Variants in ZNF45 observed in about 807,000 individuals in gnomAD.
ZNF45 encodes the protein BRC1744.
A neutral mutation model predicts 12.0 loss-of-function variants in ZNF45; 4 were observed. The ratio of observed to expected loss-of-function variants is 0.33; its 90% confidence interval spans 0.16 to 0.76. ZNF45 has a LOEUF of 0.76. Among genes scored for constraint, ZNF45 ranks in the 30% least tolerant of loss-of-function variants. ZNF45 has a pLI of 0.60. For missense variants in ZNF45, 700 were observed against 813.0 expected (o/e 0.86, Z 1.69); for synonymous variants, 272 against 279.6 (o/e 0.97, Z 0.27).
intron 7 of ZNF45, among the ~76,000 whole-genome samples, chr19:43,920,366 A>T (rs1175900729): frequency 6.6e-6 from 1 of 151,230 alleles, no homozygotes; most frequent in Admixed American, 6.6e-5. Flanking sequence ...TGTGTTCAGG[A>T]GTGTTTCTTA....
chr19:43,919,464 G>T, intron 8 of ZNF45, 109 bp downstream of exon 8: 1 of 1,330,312 alleles, frequency 7.5e-7, no homozygotes, highest in South Asian at 1.5e-5. Context: ...TCTTATGATG[G>T]ATGATTAGAA....
chr19:43,913,389 A>T lies in ZNF45; in HGVS notation c.2047T>A (p.Ter683LysextTer56). 6.5e-7 allele frequency: 1 copy of T among 1,530,966 alleles called. No individual in the cohort carries two copies. The highest frequency in any genetic ancestry group is 8.8e-7 in the Non-Finnish European group (1 of 1,141,380). 94.8% of individuals were successfully genotyped at this position (1,530,966 alleles called of 1,614,324 possible). A position where few individuals can be genotyped will look rare whatever the true frequency, so the allele number is the denominator to read the frequency against. The change falls in exon 10 of 10, where the codon TAA becomes AAA. Residue 683 changes from the stop codon to lysine, a stop_lost. Coordinates refer to ENST00000269973, the MANE Select transcript of ZNF45 (RefSeq NM_003425.4). ...CATCTGAGATAGTAAAACATATTTTATCGAGTTTTCCTGTGTGAATCCTCT... is the reference window on the plus strand; with the variant it reads ...CATCTGAGATAGTAAAACATATTTTTTCGAGTTTTCCTGTGTGAATCCTCT... Reference protein sequence around the residue: ...SSEDSHRKTR* With the variant: ...SSEDSHRKTRK
Position 43,935,268 on chromosome 19 carries a change from GC to G in ZNF45, c.-1101del, listed in dbSNP as rs1974418500. ...ATGAAGGCCGCGCTCTCAACCTCTT[GC>G]CGCGGAAGTGCCCGGGAGAGCAGGG... On this transcript the variant is annotated 5_prime_UTR_variant, in exon 1 of 10. Coordinates refer to ENST00000269973, the MANE Select transcript of ZNF45 (RefSeq NM_003425.4). The G allele has an allele frequency of 6.6e-6, 1 of 152,280 alleles. No individual in the cohort carries two copies. The allele number at this position is 152,280 out of a possible 1,614,324, so 9.4% of individuals were successfully genotyped here. A position where few individuals can be genotyped will look rare whatever the true frequency, so the allele number is the denominator to read the frequency against.
At position 43,915,141 on chromosome 19, in the gene ZNF45, G is replaced by T; in HGVS notation, c.295C>A (p.His99Asn). Residue 99 changes from histidine (H) to asparagine (N), a missense_variant, in exon 10 of 10, where the codon CAT (histidine) becomes AAT (asparagine). Transcript: ENST00000269973. ...LQEVGLRYLP[H>N]EELFCSQIWQ... ...ATCTGGGAGCAGAAAAGCTCTTCAT[G>T]AGGCAGGTACCTTAATCCTACTTCT... The T allele has an allele frequency of 6.3e-7, 1 of 1,578,136 alleles. No individual in the cohort carries two copies. Among genetic ancestry groups the T allele is most frequent in the East Asian group, 2.2e-5 (1 of 44,530 alleles).
chr19:43,933,222 A>G (rs1005854528), intron 2 of ZNF45, among the ~76,000 whole-genome samples: 8 of 152,114 alleles, frequency 5.3e-5, no homozygotes, highest in African/African-American at 1.9e-4. Flanking sequence ...TGGAATCCCA[A>G]TACTTTGGGA....
intron 4 of ZNF45, among the ~76,000 whole-genome samples, chr19:43,924,851 C>T (rs1353123927): frequency 1.3e-5 from 2 of 152,108 alleles, no homozygotes; most frequent in East Asian, 3.9e-4. Flanking sequence ...GTGAAAGTGA[C>T]TAAGTATACA....
intron 9 of ZNF45, 69 bp from the exon 10 acceptor site, chr19:43,915,269 T>C: frequency 7.0e-7 from 1 of 1,420,056 alleles, no homozygotes; most frequent in Non-Finnish European, 9.2e-7. Context: ...GTCAAGTTTA[T>C]AAACTCGGGC....
chr19:43,913,736 C>T lies in ZNF45; in HGVS notation c.1700G>A (p.Arg567Gln), dbSNP rs759845090. Residue 567 changes from arginine to glutamine, a missense_variant, in exon 10 of 10, where the codon CGG becomes CAG. Arg to Gln is a conservative substitution (Grantham distance 43). Coordinates refer to ENST00000269973, the MANE Select transcript of ZNF45 (RefSeq NM_003425.4). ...QCEECGKGFCRASNFLAHRGV... is the reference protein window; with the variant it reads ...QCEECGKGFCQASNFLAHRGV... ...ACGATGTGCCAGAAAATTGGAGGCC[C>T]GACAGAAGCCCTTCCCACACTCCTC... 132 of 1,613,850 alleles carry T rather than the reference C, an allele frequency of 8.2e-5. 2 individuals are homozygous for T. The East Asian group carries it at 1.4e-3, about 17-fold the overall frequency.
At chr19:43,919,547 T>C (rs747142884) in intron 8 of ZNF45, 26 bp downstream of exon 8, 1 of 1,605,562 alleles carries the variant, frequency 6.2e-7, no homozygotes, top group Non-Finnish European at 8.5e-7. Context: ...GGAGCCAATG[T>C]TCAGTCAGAG....
At chr19:43,916,597 G>A (rs443524) in intron 9 of ZNF45, among the ~76,000 whole-genome samples, 151,555 of 152,340 alleles carry the variant, frequency 0.99, 75,392 homozygotes, top group Middle Eastern at 1. Flanking sequence ...CCATGAGAAC[G>A]AGCATTTTAT....
Position 43,915,140 on chromosome 19 carries a change from T to G in ZNF45, c.296A>C (p.His99Pro). The G allele has an allele frequency of 6.3e-7, 1 of 1,579,222 alleles. No homozygotes were observed. Among genetic ancestry groups the G allele is most frequent in the Non-Finnish European group, 8.6e-7 (1 of 1,163,232 alleles). Reference sequence around the variant, plus strand: ...GATCTGGGAGCAGAAAAGCTCTTCATGAGGCAGGTACCTTAATCCTACTTC... The same window carrying G: ...GATCTGGGAGCAGAAAAGCTCTTCAGGAGGCAGGTACCTTAATCCTACTTC... ...LQEVGLRYLP[H>P]EELFCSQIWQ... The change falls in exon 10 of 10, where the codon CAT (histidine) becomes CCT (proline). Residue 99 changes from histidine (H) to proline (P), a missense_variant. His to Pro is a moderately conservative substitution (Grantham distance 77). Coordinates refer to ENST00000269973, the MANE Select transcript of ZNF45 (RefSeq NM_003425.4).
rs1972326299 is a variant in ZNF45, at chr19:43,912,877, A to G, written c.*510T>C. 1 of 152,752 alleles carries G rather than the reference A, an allele frequency of 6.5e-6. No homozygotes were observed. The highest frequency in any genetic ancestry group is 1.5e-5 in the Non-Finnish European group (1 of 68,458). 9.5% of individuals were successfully genotyped at this position (152,752 alleles called of 1,614,324 possible). ...AGTTTGATAAACACTTGTCCACGAG[A>G]TCTGCAAAAATGGGAAAATCAGGCC... On this transcript the variant is annotated 3_prime_UTR_variant, in exon 10 of 10. Coordinates refer to ENST00000269973, the MANE Select transcript of ZNF45 (RefSeq NM_003425.4).
At chr19:43,923,021 A>G (rs1973338862) in intron 6 of ZNF45, among the ~76,000 whole-genome samples, 1 of 151,734 alleles carries the variant, frequency 6.6e-6, no homozygotes, top group South Asian at 2.1e-4. Context: ...AGACGAGGTC[A>G]TGCTATGTTG....
At chr19:43,925,562 T>C (rs1973606165) in intron 3 of ZNF45, 104 bp from the exon 4 acceptor site, 1 of 149,768 alleles carries the variant, frequency 6.7e-6, no homozygotes, top group South Asian at 2.1e-4. Context: ...TTACTTCAGA[T>C]AGAAGAACCC....
chr19:43,934,794 G>A (rs1476144674), intron 1 of ZNF45, 100 bp from the exon 2 acceptor site: 1 of 152,202 alleles, frequency 6.6e-6, no homozygotes, highest in Admixed American at 6.5e-5. Flanking sequence ...CCACATTCCT[G>A]TACTATTCCA....
rs1229821367 is a variant in ZNF45, at chr19:43,913,823, C to A, written c.1613G>T (p.Ser538Ile). ...ATGGGCTTGAAGCTGTGAACCTACA[C>A]TGAAGCCCTTCCCACACTCTGCACA... ...YQCAECGKGF[S>I]VGSQLQAHQR... The change falls in exon 10 of 10, where the codon AGT becomes ATT. Residue 538 changes from serine (S) to isoleucine (I), a missense_variant. Transcript: ENST00000269973. 1.2e-6 allele frequency: 2 copies of A among 1,613,998 alleles called. No individual in the cohort carries two copies. Among genetic ancestry groups the A allele is most frequent in the Admixed American group, 3.3e-5 (2 of 60,024 alleles).
rs1315263694 is a variant in ZNF45, at chr19:43,913,649, CTCTG to C, written c.1783_1786del (p.Gln595AspfsTer98). On this transcript the variant is annotated frameshift_variant, in exon 10 of 10. Coordinates refer to ENST00000269973, the MANE Select transcript of ZNF45 (RefSeq NM_003425.4). LOFTEE classifies it high-confidence loss of function. ...CCTCTGGTGGGCTTGAAGGTAGGAT[CTCTG>C]TCTGAAGCGCTTACCACACACATCA... The C allele has an allele frequency of 1.2e-6, 2 of 1,613,976 alleles. No homozygotes were observed. The highest frequency in any genetic ancestry group is 1.7e-6 in the Non-Finnish European group (2 of 1,180,016).
At position 43,919,589 on chromosome 19, in the gene ZNF45, C is replaced by T; in HGVS notation, c.126G>A (p.Arg42=). Residue 42 remains arginine, a synonymous_variant, in exon 8 of 10, where the codon AGG becomes AGA. Transcript: ENST00000269973. ...TGTCCTCACCCACTGAGACCACATT[C>T]CTGAAGTTCTCCAGCATCACATCTC... ...LYRDVMLENF[R]NVVSVGHQST... is the part of the protein sequence containing the mutation. The T allele has an allele frequency of 6.2e-7, 1 of 1,612,574 alleles. No individual in the cohort carries two copies. Among genetic ancestry groups the T allele is most frequent in the Non-Finnish European group, 8.5e-7 (1 of 1,179,030 alleles).
chr19:43,916,616 C>A (rs186293945), intron 9 of ZNF45, among the ~76,000 whole-genome samples: 7 of 152,284 alleles, frequency 4.6e-5, no homozygotes, highest in Admixed American at 2.6e-4. Flanking sequence ...ATATCATTCA[C>A]CACTTTATCA....
Sources: allele counts gnomAD v4.1 joint callset (sites outside exome capture counted in the v4.1 genomes callset), GRCh38; gene constraint gnomAD v4.1.1; transcripts MANE v1.5; gene names NCBI Gene and HGNC (gene_info 2026-07-23, HGNC 2026-07-21).